The following ESRRG variants were observed in gnomAD, a reference collection of about 807,000 sequenced individuals.
ESRRG encodes estrogen-related receptor gamma.
ESRRG carries 13 observed loss-of-function variants against 44.0 expected under a neutral mutation model. The observed-to-expected ratio is 0.30, with a 90% CI of 0.19 to 0.47. The LOEUF (loss-of-function observed/expected upper bound fraction) is 0.47, where lower values mean the gene tolerates loss of function less well. Ranked by LOEUF, ESRRG falls within the 20% of genes least tolerant of loss-of-function variation. The pLI, the probability that ESRRG is intolerant of heterozygous loss-of-function variation, is 1.00. For missense variants in ESRRG, 395 were observed against 580.6 expected (o/e 0.68, Z 3.29); for synonymous variants, 215 against 214.6 (o/e 1.00, Z -0.02).
intron 2 of ESRRG, among the ~76,000 whole-genome samples, chr1:216,806,701 G>A (rs148093683): frequency 2.6e-5 from 4 of 152,188 alleles, no homozygotes; most frequent in Admixed American, 1.3e-4. Context: ...GGTAAAACTC[G>A]AATGTAAGAA....
At chr1:216,585,224 T>C (rs1322697138) in intron 3 of ESRRG, among the ~76,000 whole-genome samples, 1 of 152,166 alleles carries the variant, frequency 6.6e-6, no homozygotes, top group African/African-American at 2.4e-5. Flanking sequence ...AGGATACATT[T>C]AGGGAAATAT....
At chr1:216,707,752 T>C (rs1055099387) in intron 1 of ESRRG, among the ~76,000 whole-genome samples, 17 of 152,316 alleles carry the variant, frequency 1.1e-4, no homozygotes, top group Admixed American at 1.1e-3. Flanking sequence ...TTCAATGCAC[T>C]AAATTGAGAG....
intron 2 of ESRRG, among the ~76,000 whole-genome samples, chr1:216,843,978 T>C (rs1290172860): frequency 2.6e-5 from 4 of 152,150 alleles, no homozygotes; most frequent in Non-Finnish European, 5.9e-5. Context: ...GTCCTCATTT[T>C]ACCTCATGCA....
chr1:217,026,296 G>A (rs1298682181), intron 1 of ESRRG, among the ~76,000 whole-genome samples: 3 of 152,168 alleles, frequency 2.0e-5, no homozygotes, highest in Admixed American at 6.5e-5. Flanking sequence ...CCCCTTTAAG[G>A]AAAAGGAAGA....
rs1359258449 is a variant in ESRRG at position 216,733,802 on chromosome 1, CA to C, written c.-13-56312del. On this transcript the variant is annotated intron_variant, in intron 2 of 7. Transcript: ENST00000359162. ...AGTCAGGAGTTCGAGACCAGCTTGACAAACATAGCAAAACCCCGTCTCTACT... is the reference window on the plus strand; with the variant it reads ...AGTCAGGAGTTCGAGACCAGCTTGACAACATAGCAAAACCCCGTCTCTACT... Among the ~76,000 whole-genome samples the C allele has an allele frequency of 5.9e-5, 9 of 151,900 alleles. No homozygotes were observed. In the East Asian group the frequency reaches 1.7e-3, roughly 30 times the overall value.
At chr1:216,746,556 CT>C (rs558694572) in intron 2 of ESRRG, among the ~76,000 whole-genome samples, 97 of 152,146 alleles carry the variant, frequency 6.4e-4, no homozygotes, top group African/African-American at 1.8e-3. Flanking sequence ...TTTTGCTTGC[CT>C]AATGATAGAA....
chr1:216,852,484 T>C (rs1259360777), intron 2 of ESRRG, among the ~76,000 whole-genome samples: 2 of 152,322 alleles, frequency 1.3e-5, no homozygotes, highest in South Asian at 2.1e-4. Context: ...TACTATTTAG[T>C]ACACATTTTG....
chr1:216,992,136 C>T (rs1458161325), intron 1 of ESRRG, among the ~76,000 whole-genome samples: 2 of 152,166 alleles, frequency 1.3e-5, no homozygotes, highest in Admixed American at 6.5e-5. Context: ...GGAATGGGGG[C>T]TTCACCTTGA....
chr1:216,811,511 T>C (rs978809974), intron 2 of ESRRG, among the ~76,000 whole-genome samples: 8 of 152,162 alleles, frequency 5.3e-5, no homozygotes, highest in African/African-American at 1.7e-4. Flanking sequence ...TAAAATAAAC[T>C]TTCTGCATAT....
At chr1:216,839,068 C>T (rs12758957) in intron 2 of ESRRG, among the ~76,000 whole-genome samples, 29,924 of 152,048 alleles carry the variant, frequency 0.2, 3,036 homozygotes, top group Admixed American at 0.26. Flanking sequence ...GTTTTACTAC[C>T]CACCATAAAA....
intron 1 of ESRRG, chr1:216,714,742 A>G (rs1383146684): frequency 6.1e-6 from 1 of 164,926 alleles, no homozygotes; most frequent in East Asian, 1.9e-4. Flanking sequence ...TAAAGACATG[A>G]AAAAAGAATC....
chr1:216,814,246 A>G (rs1174600185), intron 2 of ESRRG, among the ~76,000 whole-genome samples: 2 of 152,208 alleles, frequency 1.3e-5, no homozygotes, highest in Non-Finnish European at 2.9e-5. Flanking sequence ...CACTGTGGAC[A>G]TGAGCAGCAG....
intron 1 of ESRRG, among the ~76,000 whole-genome samples, chr1:217,130,137 A>T (rs964458260): frequency 3.9e-5 from 6 of 152,336 alleles, no homozygotes; most frequent in South Asian, 2.1e-4. Flanking sequence ...AGTTGTCCTT[A>T]TTCCCTTTAT....
chr1:216,695,915 A>C (rs954243130), intron 1 of ESRRG, among the ~76,000 whole-genome samples: 4 of 152,202 alleles, frequency 2.6e-5, no homozygotes, highest in African/African-American at 9.6e-5. Flanking sequence ...ATGTTCTGGG[A>C]AAGTTACTGT....
intron 2 of ESRRG, among the ~76,000 whole-genome samples, chr1:216,844,833 C>T (rs2148912326): frequency 6.6e-6 from 1 of 152,160 alleles, no homozygotes; most frequent in Non-Finnish European, 1.5e-5. Flanking sequence ...CACACACACA[C>T]TCAAAAACAA....
intron 2 of ESRRG, among the ~76,000 whole-genome samples, chr1:216,875,371 C>A (rs1169946216): frequency 2.6e-5 from 4 of 152,158 alleles, no homozygotes; most frequent in Non-Finnish European, 4.4e-5. Context: ...TCCCCTCAGA[C>A]CCTCTAAATC....
intron 2 of ESRRG, among the ~76,000 whole-genome samples, chr1:216,764,069 T>C (rs1394000070): frequency 6.6e-6 from 1 of 152,150 alleles, no homozygotes; most frequent in Non-Finnish European, 1.5e-5. Context: ...CTCCAGGGGC[T>C]CTTGTTAATC....
chr1:216,725,286 A>T (rs182583950), upstream of ESRRG, among the ~76,000 whole-genome samples: 1 of 152,270 alleles, frequency 6.6e-6, no homozygotes. Context: ...TACTGTATAA[A>T]AGCAGGTAGT....
chr1:217,052,159 A>C (rs1269043728), intron 1 of ESRRG, among the ~76,000 whole-genome samples: 2 of 152,218 alleles, frequency 1.3e-5, no homozygotes, highest in Non-Finnish European at 2.9e-5. Flanking sequence ...ACTCGATCAG[A>C]ATGATTTCAA....
Sources: gnomAD v4.1 joint callset for allele counts (sites outside exome capture counted in the v4.1 genomes callset) on GRCh38, gnomAD v4.1.1 for gene constraint, MANE v1.5 for transcripts, NCBI Gene and HGNC (gene_info 2026-07-23, HGNC 2026-07-21) for gene names.